Variants in UNC80 observed in about 807,000 individuals in gnomAD.
UNC80 encodes the protein protein unc-80 homolog.
UNC80 carries 164 observed loss-of-function variants against 384.6 expected under a neutral mutation model. The ratio of observed to expected loss-of-function variants is 0.43; its 90% CI spans 0.38 to 0.49. The LOEUF (loss-of-function observed/expected upper bound fraction) is 0.49. Ranked by LOEUF, UNC80 falls within the 20% of genes least tolerant of loss-of-function variation. The pLI is 0.00. For synonymous variants in UNC80, 1,486 were observed against 1,527.8 expected, an observed-to-expected ratio of 0.97 and a Z score of 0.64; for missense variants, 3,330 against 4,143.0, an observed-to-expected ratio of 0.80 and a Z score of 5.39.
At chr2:209,943,973 T>C (rs1385943369) in intron 45 of UNC80, among the ~76,000 whole-genome samples, 1 of 152,166 alleles carries the variant, frequency 6.6e-6, no homozygotes, top group Non-Finnish European at 1.5e-5. Flanking sequence ...TTGTAGACAA[T>C]GGGTTGGTTT....
chr2:209,861,982 C>T (rs550490280), intron 22 of UNC80, among the ~76,000 whole-genome samples: 8 of 152,172 alleles, frequency 5.3e-5, no homozygotes, highest in Admixed American at 2.0e-4. Flanking sequence ...TTCAAAACAC[C>T]AGCTCCTGGA....
At chr2:209,774,959 A>C (rs918948625) in intron 2 of UNC80, among the ~76,000 whole-genome samples, 2 of 152,196 alleles carry the variant, frequency 1.3e-5, no homozygotes, top group African/African-American at 4.8e-5. Flanking sequence ...TAATAATTCC[A>C]ATAATACAGT....
intron 36 of UNC80, among the ~76,000 whole-genome samples, chr2:209,928,359 A>G (rs578217038): frequency 6.6e-6 from 1 of 152,162 alleles, no homozygotes; most frequent in East Asian, 1.9e-4. Context: ...AAATAAAATA[A>G]TGCACGTAAA....
At chr2:209,793,264 C>G (rs1020745930) in intron 6 of UNC80, among the ~76,000 whole-genome samples, 1 of 152,160 alleles carries the variant, frequency 6.6e-6, no homozygotes, top group African/African-American at 2.4e-5. Context: ...TGTATTGCAT[C>G]TCTCCACTGA....
chr2:209,982,395 A>T, intron 60 of UNC80, 78 bp downstream of exon 60: 1 of 1,419,776 alleles, frequency 7.0e-7, no homozygotes, highest in Non-Finnish European at 9.3e-7. Flanking sequence ...CTGTTATTCT[A>T]CAAAGACAGA....
chr2:209,918,432 A>T (rs534461591), intron 32 of UNC80, 100 bp from the exon 33 acceptor site: 44 of 1,331,888 alleles, frequency 3.3e-5, no homozygotes, highest in Non-Finnish European at 7.1e-6. Context: ...AGTCACTTGG[A>T]TGATTAACAC....
In UNC80 at chr2:209,945,154, A is replaced by G. The variant is rs2091852631; in HGVS notation, c.7154A>G (p.Glu2385Gly). 6.4e-7 allele frequency: 1 copy of G among 1,551,194 alleles called. No homozygotes were observed. The highest frequency in any genetic ancestry group is 8.7e-7 in the Non-Finnish European group (1 of 1,146,834). Residue 2385 changes from glutamate (E) to glycine (G), a missense_variant, in exon 46 of 65, where the codon GAG (glutamate) becomes GGG (glycine). Coordinates refer to ENST00000673920, the MANE Select transcript of UNC80 (RefSeq NM_001371986.1). ...ACCACCGACATATTAGACATCTTAG[A>G]GCTGGTCAAAGCTGAGAAGCCTCTC... ...GETTDILDIL[E>G]LVKAEKPLKS... is the part of the protein sequence containing the mutation.
chr2:209,856,768 ATTTATTT>A (rs2082954783), intron 22 of UNC80, among the ~76,000 whole-genome samples: 1 of 106,026 alleles, frequency 9.4e-6, no homozygotes, highest in Non-Finnish European at 1.9e-5. Context: ...TTACTTATTT[ATTTATTT>A]ATTTATTTAT....
chr2:209,787,182 A>G (rs1305701705), intron 5 of UNC80, among the ~76,000 whole-genome samples: 1 of 111,900 alleles, frequency 8.9e-6, no homozygotes, highest in Non-Finnish European at 1.7e-5. Flanking sequence ...CAGCATGGCC[A>G]GAAGAAAAAG....
chr2:209,959,180 A>G, intron 50 of UNC80, 26 bp downstream of exon 50: 1 of 1,551,540 alleles, frequency 6.4e-7, no homozygotes, highest in East Asian at 2.4e-5. Flanking sequence ...CTCTAATTTC[A>G]TACCAGTTCT....
At chr2:209,935,576 T>A in intron 39 of UNC80, 138 bp from the exon 40 acceptor site, 1 of 355,992 alleles carries the variant, frequency 2.8e-6, no homozygotes, top group Non-Finnish European at 5.0e-6. Context: ...ATAAATAAAA[T>A]ATATATGTAA....
chr2:209,934,334 C>T lies in UNC80; in HGVS notation c.6178+329C>T, dbSNP rs148775126. Reference sequence around the variant, plus strand: ...TTGTTTGAGTGAATTTTTGGCAGTGCAAGAATAATATTGTTTGTATGGCAT... The same window carrying T: ...TTGTTTGAGTGAATTTTTGGCAGTGTAAGAATAATATTGTTTGTATGGCAT... On this transcript the variant is annotated intron_variant, in intron 39 of 64. Transcript: ENST00000673920. Among the ~76,000 whole-genome samples the T allele has an allele frequency of 5.8e-4, 89 of 152,138 alleles. No homozygotes were observed. In the East Asian group the frequency reaches 0.014, roughly 23 times the overall value.
chr2:209,990,739 G>A (rs1044865057), intron 61 of UNC80, among the ~76,000 whole-genome samples: 4 of 152,130 alleles, frequency 2.6e-5, no homozygotes, highest in Admixed American at 1.3e-4. Context: ...TGGAAAGGTC[G>A]CATCTGTTTC....
At chr2:209,806,257 G>T (rs2078890884) in intron 7 of UNC80, among the ~76,000 whole-genome samples, 1 of 152,000 alleles carries the variant, frequency 6.6e-6, no homozygotes, top group East Asian at 1.9e-4. Context: ...AGTAAATGAT[G>T]TTTCTTTTCT....
chr2:209,906,127 G>C (rs985707779), intron 29 of UNC80, among the ~76,000 whole-genome samples: 1 of 152,162 alleles, frequency 6.6e-6, no homozygotes, highest in Non-Finnish European at 1.5e-5. Flanking sequence ...ACCAGGTTTG[G>C]CCTGGGGAGG....
intron 32 of UNC80, 79 bp downstream of exon 32, chr2:209,918,037 A>T: frequency 7.3e-7 from 1 of 1,366,184 alleles, no homozygotes; most frequent in Non-Finnish European, 1.0e-6. Flanking sequence ...CCTCAAAGTC[A>T]CAGTATGTGG....
chr2:209,955,734 TATATACAC>T (rs1255510610), intron 48 of UNC80, among the ~76,000 whole-genome samples: 1 of 64,146 alleles, frequency 1.6e-5, no homozygotes, highest in Non-Finnish European at 2.7e-5. Flanking sequence ...TATATATATA[TATATACAC>T]ACACACACAC....
At chr2:209,823,125 A>T (rs2080259124) in intron 13 of UNC80, among the ~76,000 whole-genome samples, 1 of 152,174 alleles carries the variant, frequency 6.6e-6, no homozygotes, top group African/African-American at 2.4e-5. Context: ...AGAAAGGAAG[A>T]TCTAATTTCC....
chr2:209,930,756 G>T (rs2090794770), intron 37 of UNC80, among the ~76,000 whole-genome samples: 1 of 152,136 alleles, frequency 6.6e-6, no homozygotes. Context: ...ATTTTTATGT[G>T]TTAGCTCCTA....
Sources: gnomAD v4.1 joint callset for allele counts (sites outside exome capture counted in the v4.1 genomes callset) on GRCh38, gnomAD v4.1.1 for gene constraint, MANE v1.5 for transcripts, NCBI Gene and HGNC (gene_info 2026-07-23, HGNC 2026-07-21) for gene names.